The following TOR1AIP2 variants were observed in gnomAD, a reference collection of about 807,000 sequenced individuals.
TOR1AIP2 encodes torsin 1A interacting protein 2.
A neutral mutation model predicts 32.6 loss-of-function variants in TOR1AIP2; 20 were observed. The ratio of observed to expected loss-of-function variants is 0.61; its 90% CI spans 0.43 to 0.89. The LOEUF is 0.89. TOR1AIP2 is among the 40% of genes least tolerant of loss of function. The pLI, the probability that TOR1AIP2 is intolerant of heterozygous loss-of-function variation, is 0.00. For missense variants in TOR1AIP2, 456 were observed against 553.8 expected (o/e 0.82, Z 1.77); for synonymous variants, 214 against 210.8 (o/e 1.02, Z -0.13).
chr1:179,850,497 G>C (rs182640887), intron 5 of TOR1AIP2, among the ~76,000 whole-genome samples: 3 of 152,328 alleles, frequency 2.0e-5, no homozygotes, highest in Non-Finnish European at 2.9e-5. Context: ...TTTAAAAATT[G>C]TAAGTCGAAA....
At chr1:179,863,210 T>G (rs1696621467) in intron 3 of TOR1AIP2, 1 of 934,892 alleles carries the variant, frequency 1.1e-6, no homozygotes, top group African/African-American at 2.4e-5. Context: ...GGCGACAGAG[T>G]GAGACTCTGT....
intron 2 of TOR1AIP2, among the ~76,000 whole-genome samples, chr1:179,869,720 T>C (rs1377124245): frequency 6.6e-6 from 1 of 152,220 alleles, no homozygotes; most frequent in African/African-American, 2.4e-5. Context: ...AGAGGGTTTA[T>C]CTTAGCATAC....
intron 3 of TOR1AIP2, chr1:179,864,522 A>G (rs1485117751): frequency 3.4e-6 from 4 of 1,181,808 alleles, no homozygotes; most frequent in Non-Finnish European, 4.2e-6. Context: ...GTTAGTTCCA[A>G]AACAGTTTAT....
intron 6 of TOR1AIP2, 69 bp from the exon 7 acceptor site, chr1:179,846,897 A>G: frequency 6.7e-7 from 1 of 1,486,986 alleles, no homozygotes; most frequent in Non-Finnish European, 8.9e-7. Flanking sequence ...CCTGTGGTAA[A>G]CTGAAATGAG....
chr1:179,846,723 G>A lies in TOR1AIP2; in HGVS notation c.761C>T (p.Ala254Val). 1 of 1,613,972 alleles carries A rather than the reference G, an allele frequency of 6.2e-7. No individual in the cohort carries two copies. Residue 254 changes from alanine to valine, a missense_variant, in exon 7 of 7, where the codon GCC becomes GTC. Physicochemically the swap from Ala to Val is moderately conservative, Grantham distance 64. Transcript: ENST00000609928. ...QQVPKNPALE[A>V]FLAQFSQLED... ...CAATTGGCTAAACTGGGCCAAAAAGGCCTCCAAAGCTGGATTTTTGGGCAC... is the reference window on the plus strand; with the variant it reads ...CAATTGGCTAAACTGGGCCAAAAAGACCTCCAAAGCTGGATTTTTGGGCAC...
At chr1:179,869,288 TA>T (rs374267412) in intron 2 of TOR1AIP2, 9,276 of 143,130 alleles carry the variant, frequency 0.065, 341 homozygotes, top group African/African-American at 0.1. Context: ...AATAAAGCTT[TA>T]AAAAAAAAAA....
At position 179,843,516 on chromosome 1, in the gene TOR1AIP2, A is replaced by T. The variant is rs912297507; in HGVS notation, c.*2555T>A. The T allele has an allele frequency of 4.0e-5, 6 of 151,470 alleles. No individual in the cohort carries two copies. Among genetic ancestry groups the T allele is most frequent in the Admixed American group, 2.0e-4 (3 of 15,094 alleles). The allele number at this position is 151,470 out of a possible 1,614,324, so 9.4% of individuals were successfully genotyped here. A position where few individuals can be genotyped will look rare whatever the true frequency, so the allele number is the denominator to read the frequency against. On this transcript the variant is annotated 3_prime_UTR_variant, in exon 7 of 7. Coordinates refer to ENST00000609928, the MANE Select transcript of TOR1AIP2 (RefSeq NM_001199260.2). ...ACAGAGCAAGACCTTCTCTCAAAAA[A>T]AAAAAAAAAAAAAAAAGAAGTTTGG...
intron 3 of TOR1AIP2, chr1:179,860,049 T>G: frequency 1.2e-6 from 1 of 814,184 alleles, no homozygotes. Context: ...GGTCTCACTA[T>G]GTTGCTCAGG....
rs1359773490 is a variant in TOR1AIP2, at chr1:179,865,637, CTT to C, written c.-350_-349del. 1 of 155,900 alleles carries C rather than the reference CTT, an allele frequency of 6.4e-6. No individual in the cohort carries two copies. 9.7% of individuals were successfully genotyped at this position (155,900 alleles called of 1,614,324 possible). ...AGAGGAGCTGACAGGTCCAATGGGT[CTT>C]TTGTTGGCGCTGGCACTCTTGCCGT... On this transcript the variant is annotated 5_prime_UTR_variant, in exon 3 of 7. Coordinates refer to ENST00000609928, the MANE Select transcript of TOR1AIP2 (RefSeq NM_001199260.2).
intron 2 of TOR1AIP2, among the ~76,000 whole-genome samples, chr1:179,871,230 G>A (rs1697000004): frequency 6.6e-6 from 1 of 152,198 alleles, no homozygotes; most frequent in Admixed American, 6.5e-5. Flanking sequence ...AACAAAATTT[G>A]AGGAGCTTCT....
At chr1:179,847,836 C>A (rs1695968458) in intron 5 of TOR1AIP2, among the ~76,000 whole-genome samples, 200 bp from the exon 6 acceptor site, 1 of 152,070 alleles carries the variant, frequency 6.6e-6, no homozygotes, top group African/African-American at 2.4e-5. Context: ...GAGTTTGAGA[C>A]CAGCATGGCC....
chr1:179,865,209 T>C, intron 3 of TOR1AIP2: 1 of 1,561,042 alleles, frequency 6.4e-7, no homozygotes, highest in Non-Finnish European at 8.7e-7. Flanking sequence ...GACAGCAATG[T>C]GACAGCAAGA....
At chr1:179,853,464 G>A (rs1696189085) in intron 3 of TOR1AIP2, among the ~76,000 whole-genome samples, 3 of 152,008 alleles carry the variant, frequency 2.0e-5, no homozygotes, top group African/African-American at 4.8e-5. Flanking sequence ...CACTTTATAA[G>A]CAATAAAAAC....
At position 179,841,498 on chromosome 1, in the gene TOR1AIP2, G is replaced by A. The variant is rs1695716561; in HGVS notation, c.*4573C>T. 2 of 152,334 alleles carry A rather than the reference G, an allele frequency of 1.3e-5. No individual in the cohort carries two copies. Among genetic ancestry groups the A allele is most frequent in the Non-Finnish European group, 2.9e-5 (2 of 68,028 alleles). 9.4% of individuals were successfully genotyped at this position (152,334 alleles called of 1,614,324 possible). On this transcript the variant is annotated 3_prime_UTR_variant, in exon 7 of 7. Coordinates refer to ENST00000609928, the MANE Select transcript of TOR1AIP2 (RefSeq NM_001199260.2). ...AAGTACTTCTCAACTAGCCGGGCAT[G>A]GTGGCATAATTCCTGAAGTAGGAGG...
intron 3 of TOR1AIP2, among the ~76,000 whole-genome samples, chr1:179,858,628 T>C (rs1480718685): frequency 6.6e-6 from 1 of 152,214 alleles, no homozygotes; most frequent in Non-Finnish European, 1.5e-5. Flanking sequence ...TAATGGAAAC[T>C]CTTTCAGCCT....
At chr1:179,854,818 C>G (rs1571668329) in intron 3 of TOR1AIP2, among the ~76,000 whole-genome samples, 1 of 152,138 alleles carries the variant, frequency 6.6e-6, no homozygotes, top group East Asian at 1.9e-4. Flanking sequence ...TTGCAGTGAG[C>G]CCAGATTGCA....
rs994215225 is a variant in TOR1AIP2 at position 179,862,555 on chromosome 1, A to G, written c.-147+2881T>C. ...GGTACATTCTTCATACAGACTAACA[A>G]ATAACTTCAGGTTTCACAACATGTA... is the stretch of plus-strand genomic sequence containing the variant. On this transcript the variant is annotated intron_variant, in intron 3 of 6. Transcript: ENST00000609928. 4.1e-6 allele frequency: 4 copies of G among 985,404 alleles called. No homozygotes were observed. The African/African-American group carries it at 7.0e-5, about 17-fold the overall frequency. The allele number at this position is 985,404 out of a possible 1,614,324, so 61.0% of individuals were successfully genotyped here. A position where few individuals can be genotyped will look rare whatever the true frequency, so the allele number is the denominator to read the frequency against.
rs750141920 is a variant in TOR1AIP2, at chr1:179,863,588, G to A, written c.-147+1848C>T. On this transcript the variant is annotated intron_variant, in intron 3 of 6. Coordinates refer to ENST00000609928, the MANE Select transcript of TOR1AIP2 (RefSeq NM_001199260.2). ...TCACGCCTGTAATCCCAGCACCTTG[G>A]GAGACCGAGGTGGGAGGATGGCTTG... 7.2e-5 allele frequency: 71 copies of A among 984,372 alleles called. 1 individual carries two copies. Among genetic ancestry groups the A allele is most frequent in the Non-Finnish European group, 8.3e-5 (69 of 829,706 alleles). 61.0% of individuals were successfully genotyped at this position (984,372 alleles called of 1,614,324 possible). A position where few individuals can be genotyped will look rare whatever the true frequency, so the allele number is the denominator to read the frequency against.
chr1:179,860,993 C>T (rs1696508905), intron 3 of TOR1AIP2: 1 of 985,370 alleles, frequency 1.0e-6, no homozygotes, highest in African/African-American at 1.7e-5. Flanking sequence ...CTCACTCACT[C>T]ATATCCCCCA....
Sources: gnomAD v4.1 joint callset for allele counts (sites outside exome capture counted in the v4.1 genomes callset) on GRCh38, gnomAD v4.1.1 for gene constraint, MANE v1.5 for transcripts, NCBI Gene and HGNC (gene_info 2026-07-23, HGNC 2026-07-21) for gene names.